MAP7: variants seen among roughly 807,000 people sequenced by gnomAD.
MAP7 encodes microtubule associated protein 7.
MAP7 carries 52 observed loss-of-function variants against 94.8 expected under a neutral mutation model. The observed-to-expected ratio is 0.55, with a 90% CI of 0.44 to 0.69. The LOEUF (loss-of-function observed/expected upper bound fraction) is 0.69. MAP7 is among the 30% of genes least tolerant of loss of function. The pLI is 0.00. For synonymous variants in MAP7, 350 were observed against 357.0 expected (o/e 0.98, Z 0.22); for missense variants, 940 against 964.6 (o/e 0.97, Z 0.34).
Position 136,345,902 on chromosome 6 carries a change from A to C in MAP7, c.2193T>G (p.Leu731=). 1 of 1,614,184 alleles carries C rather than the reference A, an allele frequency of 6.2e-7. No individual in the cohort carries two copies. The highest frequency in any genetic ancestry group is 8.5e-7 in the Non-Finnish European group (1 of 1,180,024). The change falls in exon 17 of 18, where the codon CTT becomes CTG. Residue 731 remains leucine, a synonymous_variant. Coordinates refer to ENST00000354570, the MANE Select transcript of MAP7 (RefSeq NM_003980.6). ...CACCATCTACCTGAGGCAGGGGCCC[A>C]AGTGTCCCTTCATCATCAAAGGCCA... is the stretch of plus-strand genomic sequence containing the variant. ...PILAFDDEGT[L]GPLPQVDGVQ... is the part of the protein sequence containing the mutation.
chr6:136,387,747 T>TA (rs896558399), intron 5 of MAP7, among the ~76,000 whole-genome samples: 143 of 146,886 alleles, frequency 9.7e-4, no homozygotes, highest in African/African-American at 3.0e-3. Context: ...AAAGCAAATT[T>TA]AAAAAAAAAA....
In MAP7 at chr6:136,550,256, C is replaced by A; in HGVS notation, c.67+86G>T. The A allele has an allele frequency of 8.2e-6, 10 of 1,217,244 alleles. No homozygotes were observed. The highest frequency in any genetic ancestry group is 1.1e-5 in the Non-Finnish European group (10 of 945,364). 75.4% of individuals were successfully genotyped at this position (1,217,244 alleles called of 1,614,324 possible). ...GCGCGGGCGGGGAGGGGGCTGCCGG[C>A]GCCGGGTGATTTCGGTGCCAGCCCG... On this transcript the variant is annotated intron_variant, in intron 1 of 17. Transcript: ENST00000354570. The surrounding 1 kb of genome is among the most constrained non-coding windows in gnomAD (Gnocchi z 5.1).
intron 1 of MAP7, among the ~76,000 whole-genome samples, chr6:136,501,401 T>C (rs753182021): frequency 2.6e-5 from 4 of 152,202 alleles, no homozygotes; most frequent in Non-Finnish European, 4.4e-5. Context: ...TTCTTGCTAG[T>C]TACTTCACCC....
At chr6:136,527,650 T>C (rs1828099541) in intron 1 of MAP7, among the ~76,000 whole-genome samples, 1 of 152,214 alleles carries the variant, frequency 6.6e-6, no homozygotes. Context: ...TTGAAGTGCT[T>C]AATAAATACC....
chr6:136,433,612 T>C lies in MAP7; in HGVS notation c.68-11813A>G, dbSNP rs3778304. Among the ~76,000 whole-genome samples the C allele has an allele frequency of 0.014, 2,062 of 152,306 alleles. 66 individuals carry two copies. The East Asian group carries it at 0.14, about 10-fold the overall frequency. Reference sequence around the variant, plus strand: ...AAGAAGCCACGCTATTCGGATTGGATCAGAGGCTTAAAAGCAAGGTTTGTT... The same window carrying C: ...AAGAAGCCACGCTATTCGGATTGGACCAGAGGCTTAAAAGCAAGGTTTGTT... On this transcript the variant is annotated intron_variant, in intron 1 of 17. Coordinates refer to ENST00000354570, the MANE Select transcript of MAP7 (RefSeq NM_003980.6).
chr6:136,519,398 C>T (rs1285909927), intron 1 of MAP7, among the ~76,000 whole-genome samples: 1 of 151,994 alleles, frequency 6.6e-6, no homozygotes, highest in Non-Finnish European at 1.5e-5. Flanking sequence ...TGGGAAAAGA[C>T]AATGGTGCAA....
intron 1 of MAP7, among the ~76,000 whole-genome samples, chr6:136,478,991 A>AAAAG (rs1293544415): frequency 6.7e-6 from 1 of 150,086 alleles, no homozygotes; most frequent in East Asian, 2.0e-4. Flanking sequence ...AAAAAAAAAA[A>AAAAG]AAAAGAAAGA....
intron 3 of MAP7, among the ~76,000 whole-genome samples, chr6:136,391,525 C>T (rs1047815702): frequency 6.9e-6 from 1 of 144,422 alleles, no homozygotes; most frequent in Admixed American, 7.2e-5. Context: ...ACAATGTGCA[C>T]ATGTACCCTA....
chr6:136,537,508 T>C (rs1444637437), intron 1 of MAP7, among the ~76,000 whole-genome samples: 1 of 152,250 alleles, frequency 6.6e-6, no homozygotes, highest in Non-Finnish European at 1.5e-5. Context: ...GGATGTATCT[T>C]TTTATATACA....
intron 7 of MAP7, among the ~76,000 whole-genome samples, chr6:136,373,254 T>C (rs1006145032): frequency 7.2e-5 from 11 of 152,238 alleles, no homozygotes; most frequent in African/African-American, 2.4e-4. Flanking sequence ...GAAAATATTC[T>C]GTACATGTCT....
chr6:136,431,217 C>T (rs761947926), intron 1 of MAP7, among the ~76,000 whole-genome samples: 1 of 152,188 alleles, frequency 6.6e-6, no homozygotes, highest in Non-Finnish European at 1.5e-5. Flanking sequence ...TTACTGCACT[C>T]CAATGCAATC....
chr6:136,413,941 G>A (rs569831106), intron 2 of MAP7, among the ~76,000 whole-genome samples: 1 of 151,672 alleles, frequency 6.6e-6, no homozygotes, highest in South Asian at 2.1e-4. Context: ...CAAGACTAGG[G>A]GATGGTTCTT....
intron 1 of MAP7, among the ~76,000 whole-genome samples, chr6:136,451,013 T>A (rs533055580): frequency 2.6e-5 from 4 of 152,274 alleles, no homozygotes; most frequent in African/African-American, 9.6e-5. Context: ...ATAAAGCAAG[T>A]TACCCTTTTG....
Position 136,362,702 on chromosome 6 carries a change from G to A in MAP7, c.1274C>T (p.Ala425Val). Residue 425 changes from alanine (A) to valine (V), a missense_variant and splice_region_variant, in exon 11 of 18, where the codon GCT (alanine) becomes GTT (valine). Coordinates refer to ENST00000354570, the MANE Select transcript of MAP7 (RefSeq NM_003980.6). Reference sequence around the variant, plus strand: ...TGGAGCTGGGGCCATGGCTGGAGCAGCTGCACAAATAGGTACAAGGAGAAA... The same window carrying A: ...TGGAGCTGGGGCCATGGCTGGAGCAACTGCACAAATAGGTACAAGGAGAAA... ...RTPAEPEVGP[A>V]APAMAPAPAS... 1 of 1,584,910 alleles carries A rather than the reference G, an allele frequency of 6.3e-7. No individual in the cohort carries two copies. The highest frequency in any genetic ancestry group is 8.5e-7 in the Non-Finnish European group (1 of 1,170,634).
intron 7 of MAP7, among the ~76,000 whole-genome samples, chr6:136,374,581 CA>C (rs1285798746): frequency 1.3e-5 from 2 of 152,130 alleles, no homozygotes; most frequent in African/African-American, 2.4e-5. Context: ...ATTTTTCTCT[CA>C]AGTGGAAAAT....
chr6:136,485,712 G>A (rs1338931565), intron 1 of MAP7, among the ~76,000 whole-genome samples: 4 of 151,360 alleles, frequency 2.6e-5, no homozygotes, highest in East Asian at 3.9e-4. Context: ...ACAGGCGCCC[G>A]CCACTACGCC....
chr6:136,459,768 A>T (rs942568422), intron 1 of MAP7, among the ~76,000 whole-genome samples: 2 of 152,140 alleles, frequency 1.3e-5, no homozygotes, highest in African/African-American at 2.4e-5. Context: ...CGGAGTTGCT[A>T]TTCAATGGGT....
At chr6:136,540,570 C>CA (rs1210453884) in intron 1 of MAP7, among the ~76,000 whole-genome samples, 2 of 152,128 alleles carry the variant, frequency 1.3e-5, no homozygotes, top group South Asian at 4.1e-4. Flanking sequence ...ATATTTCCTT[C>CA]AAAAAAGTCC....
At chr6:136,500,517 A>T (rs1014482375) in intron 1 of MAP7, among the ~76,000 whole-genome samples, 1 of 152,220 alleles carries the variant, frequency 6.6e-6, no homozygotes, top group African/African-American at 2.4e-5. Context: ...CTGATCTTGA[A>T]TCACTTTGAA....
Sources: allele counts gnomAD v4.1 joint callset (sites outside exome capture counted in the v4.1 genomes callset), GRCh38; gene constraint gnomAD v4.1.1; non-coding constraint Gnocchi (gnomAD v3.1); transcripts MANE v1.5; gene names NCBI Gene and HGNC (gene_info 2026-07-23, HGNC 2026-07-21).